Variants in COG5 observed in about 807,000 individuals in gnomAD.
The protein encoded by COG5 is conserved oligomeric Golgi complex subunit 5.
Under a neutral mutation model 110.4 loss-of-function variants are expected in COG5, and 86 were observed. The observed-to-expected ratio is 0.78, with a 90% CI of 0.65 to 0.93. COG5 has a LOEUF of 0.93. Ranked by LOEUF, COG5 falls within the 40% of genes least tolerant of loss-of-function variation. The pLI is 0.00. For synonymous variants in COG5, 360 were observed against 334.6 expected, an observed-to-expected ratio of 1.08 and a Z score of -0.83; for missense variants, 1,077 against 987.0, an observed-to-expected ratio of 1.09 and a Z score of -1.22.
At chr7:107,358,148 C>G (rs987643170) in intron 10 of COG5, among the ~76,000 whole-genome samples, 4 of 152,132 alleles carry the variant, frequency 2.6e-5, no homozygotes, top group African/African-American at 4.8e-5. Flanking sequence ...CTTAGATTCT[C>G]CTGAGTACAG....
Position 107,548,226 on chromosome 7 carries a change from C to T in COG5, c.348-46G>A, listed in dbSNP as rs1278068147. On this transcript the variant is annotated intron_variant, in intron 4 of 21. Coordinates refer to ENST00000297135, the MANE Select transcript of COG5 (RefSeq NM_006348.5). The stretch of plus-strand genomic sequence containing the variant: ...GAGAATAAAATCATTTTCAGAATAT[C>T]AATGGATAAAAACATTCCCATTCCA... The T allele has an allele frequency of 6.9e-6, 11 of 1,602,702 alleles. No homozygotes were observed. The Admixed American group carries it at 1.8e-4, about 27-fold the overall frequency.
Position 107,396,117 on chromosome 7 carries a change from G to A in COG5, c.669+16385C>T, listed in dbSNP as rs578102192. 5.3e-5 allele frequency among the ~76,000 whole-genome samples: 8 copies of A among 152,218 alleles called. No individual in the cohort carries two copies. In the East Asian group the frequency reaches 5.8e-4, roughly 11 times the overall value. On this transcript the variant is annotated intron_variant, in intron 7 of 21. Transcript: ENST00000297135. The stretch of plus-strand genomic sequence containing the variant: ...ATATGCTCCATTATGTTACACACAC[G>A]TAACACTTTTTCTGGAGATAACACA...
At chr7:107,289,116 G>A (rs1805945624) in intron 12 of COG5, among the ~76,000 whole-genome samples, 1 of 151,232 alleles carries the variant, frequency 6.6e-6, no homozygotes, top group Non-Finnish European at 1.5e-5. Flanking sequence ...CATGAGACAT[G>A]AGACACTGTG....
rs150808289 is a variant in COG5 at position 107,211,190 on chromosome 7, C to A, written c.2204G>T (p.Ser735Ile). 8.7e-6 allele frequency: 14 copies of A among 1,614,100 alleles called. No homozygotes were observed. Among genetic ancestry groups the A allele is most frequent in the Non-Finnish European group, 1.2e-5 (14 of 1,179,946 alleles). Residue 735 changes from serine (S) to isoleucine (I), a missense_variant, in exon 20 of 22, where the codon AGT becomes ATT. Transcript: ENST00000297135. ...LLFQASEHVA[S>I]SPALGDVIPF... is the part of the protein sequence containing the mutation. Reference sequence around the variant, plus strand: ...AATCACATCCCCCAATGCAGGACTACTGGCTACATGTTCACTTGCCTGGAA... The same window carrying A: ...AATCACATCCCCCAATGCAGGACTAATGGCTACATGTTCACTTGCCTGGAA...
intron 7 of COG5, among the ~76,000 whole-genome samples, chr7:107,389,544 T>C (rs1435736136): frequency 6.6e-6 from 1 of 152,184 alleles, no homozygotes; most frequent in East Asian, 1.9e-4. Context: ...TTCCTTCCTG[T>C]GCTAAAGGAC....
At chr7:107,514,149 A>G (rs1799749592) in intron 6 of COG5, among the ~76,000 whole-genome samples, 1 of 152,150 alleles carries the variant, frequency 6.6e-6, no homozygotes, top group South Asian at 2.1e-4. Context: ...AAAATAGACC[A>G]TAAGCGATTA....
chr7:107,209,894 A>T, intron 21 of COG5: 3 of 985,962 alleles, frequency 3.0e-6, no homozygotes, highest in Non-Finnish European at 3.6e-6. Context: ...TTGGTGGCTG[A>T]GAGGTCTCTG....
At chr7:107,326,393 T>G (rs919505617) in intron 10 of COG5, among the ~76,000 whole-genome samples, 3 of 152,168 alleles carry the variant, frequency 2.0e-5, no homozygotes, top group Non-Finnish European at 2.9e-5. Flanking sequence ...TATGATCTTG[T>G]ATGTAGATAA....
At chr7:107,414,743 T>TC (rs781316863) in intron 6 of COG5, among the ~76,000 whole-genome samples, 21 of 115,806 alleles carry the variant, frequency 1.8e-4, no homozygotes, top group Admixed American at 2.9e-4. Flanking sequence ...TTTTTTTTTT[T>TC]CCGAGACTCA....
At chr7:107,527,841 A>G (rs1213201444) in intron 5 of COG5, among the ~76,000 whole-genome samples, 1 of 152,186 alleles carries the variant, frequency 6.6e-6, no homozygotes, top group African/African-American at 2.4e-5. Context: ...GTAGACTGAA[A>G]ATGTTCCAAT....
intron 11 of COG5, among the ~76,000 whole-genome samples, chr7:107,309,275 TAAC>T (rs1481283361): frequency 2.0e-5 from 3 of 152,096 alleles, no homozygotes; most frequent in African/African-American, 4.8e-5. Flanking sequence ...AGTCTGAAAA[TAAC>T]AAGTCTCCTT....
At chr7:107,302,389 C>T (rs1807341214) in intron 11 of COG5, among the ~76,000 whole-genome samples, 1 of 152,022 alleles carries the variant, frequency 6.6e-6, no homozygotes, top group Non-Finnish European at 1.5e-5. Flanking sequence ...ATAGTGGAGA[C>T]AGTAATTACA....
intron 10 of COG5, among the ~76,000 whole-genome samples, chr7:107,328,036 A>G (rs1225661875): frequency 1.3e-5 from 2 of 152,182 alleles, no homozygotes; most frequent in Admixed American, 6.5e-5. Context: ...TAACAACCCA[A>G]ATGTCTATCA....
chr7:107,340,848 T>C (rs1026416593), intron 10 of COG5, among the ~76,000 whole-genome samples: 2 of 151,948 alleles, frequency 1.3e-5, no homozygotes, highest in Admixed American at 6.6e-5. Context: ...ATAAAAATCT[T>C]CAAGAAACTG....
chr7:107,511,522 G>A (rs7801317), intron 6 of COG5, among the ~76,000 whole-genome samples: 19,342 of 152,146 alleles, frequency 0.13, 1,509 homozygotes, highest in Non-Finnish European at 0.17. Context: ...AGAAAAAGAG[G>A]GAATCCTCCC....
At chr7:107,219,566 C>T (rs7783805) in intron 19 of COG5, among the ~76,000 whole-genome samples, 77,684 of 151,902 alleles carry the variant, frequency 0.51, 20,076 homozygotes, top group African/African-American at 0.57. Context: ...TTACGTTAAG[C>T]TAAATAAACC....
intron 6 of COG5, among the ~76,000 whole-genome samples, chr7:107,510,874 C>A (rs958176023): frequency 4.6e-5 from 7 of 152,312 alleles, no homozygotes; most frequent in African/African-American, 1.7e-4. Context: ...ATACCAGTAT[C>A]TCTGGCACAC....
intron 6 of COG5, among the ~76,000 whole-genome samples, chr7:107,505,963 C>CCCACTGCTGATGGGGGTGG (rs1242660255): frequency 5.9e-5 from 9 of 152,158 alleles, no homozygotes; most frequent in African/African-American, 2.2e-4. Flanking sequence ...GGTACCAGTA[C>CCCACTGCTGATGGGGGTGG]CAGCTCTGAT....
At chr7:107,342,101 A>T (rs1324468846) in intron 10 of COG5, among the ~76,000 whole-genome samples, 1 of 152,100 alleles carries the variant, frequency 6.6e-6, no homozygotes, top group Non-Finnish European at 1.5e-5. Flanking sequence ...CACACTATAG[A>T]AGGAAATATT....
Sources: gnomAD v4.1 joint callset for allele counts (sites outside exome capture counted in the v4.1 genomes callset) on GRCh38, gnomAD v4.1.1 for gene constraint, MANE v1.5 for transcripts, NCBI Gene and HGNC (gene_info 2026-07-23, HGNC 2026-07-21) for gene names.